Variants in MAGI2 observed in about 807,000 individuals in gnomAD.
The protein encoded by MAGI2 is membrane associated guanylate kinase, WW and PDZ domain containing 2.
A neutral mutation model predicts 133.3 loss-of-function variants in MAGI2; 35 were observed. The ratio of observed to expected loss-of-function variants is 0.26; its 90% confidence interval spans 0.20 to 0.35. The LOEUF (loss-of-function observed/expected upper bound fraction) is 0.35, where lower values mean the gene tolerates loss of function less well. Among genes scored for constraint, MAGI2 ranks in the 10% least tolerant of loss-of-function variants. MAGI2 has a pLI of 1.00. For synonymous variants in MAGI2, 729 were observed against 710.6 expected (o/e 1.03, Z -0.41); for missense variants, 1,636 against 1,863.4 (o/e 0.88, Z 2.25).
intron 6 of MAGI2, among the ~76,000 whole-genome samples, chr7:78,386,813 G>A (rs1022563314): frequency 2.0e-5 from 3 of 152,110 alleles, no homozygotes; most frequent in East Asian, 1.9e-4. Flanking sequence ...GTAGCCAAAC[G>A]GAGAGCTTTA....
intron 17 of MAGI2, 64 bp from the exon 18 acceptor site, chr7:78,133,124 C>A (rs916024435): frequency 7.3e-7 from 1 of 1,374,962 alleles, no homozygotes; most frequent in Non-Finnish European, 9.7e-7. Flanking sequence ...AAAGAAGTGA[C>A]TAGAGGCAGT....
chr7:79,101,180 C>A (rs969194059), intron 1 of MAGI2, among the ~76,000 whole-genome samples: 4 of 152,070 alleles, frequency 2.6e-5, no homozygotes, highest in African/African-American at 9.6e-5. Flanking sequence ...AATGAAATAA[C>A]TACCACCTAG....
intron 2 of MAGI2, among the ~76,000 whole-genome samples, chr7:78,773,017 T>C (rs1202392705): frequency 1.3e-5 from 2 of 152,230 alleles, no homozygotes; most frequent in African/African-American, 4.8e-5. Flanking sequence ...CTGGCTTTTG[T>C]TCTTTTGGCC....
chr7:79,301,711 AT>A (rs1202190697), intron 1 of MAGI2, among the ~76,000 whole-genome samples: 5 of 152,226 alleles, frequency 3.3e-5, no homozygotes, highest in Non-Finnish European at 7.3e-5. Flanking sequence ...AGGACATAAG[AT>A]TTTGAAAGGG....
intron 1 of MAGI2, chr7:79,125,809 G>T (rs1820359463): frequency 2.2e-5 from 11 of 509,652 alleles, no homozygotes; most frequent in South Asian, 1.6e-4. Flanking sequence ...GGCAGTGGCA[G>T]AAGGTTTTAA....
At chr7:78,540,811 G>T (rs1447517818) in intron 3 of MAGI2, among the ~76,000 whole-genome samples, 5 of 152,006 alleles carry the variant, frequency 3.3e-5, no homozygotes, top group Non-Finnish European at 7.4e-5. Flanking sequence ...TTTATATTTG[G>T]CTTTCTAAAT....
intron 1 of MAGI2, among the ~76,000 whole-genome samples, chr7:79,293,952 G>A (rs1455300548): frequency 6.6e-6 from 1 of 152,184 alleles, no homozygotes; most frequent in Non-Finnish European, 1.5e-5. Context: ...GGAGGCCAAG[G>A]AGGGTGAATC....
chr7:78,339,072 C>A (rs1026903790), intron 9 of MAGI2, among the ~76,000 whole-genome samples: 2 of 152,214 alleles, frequency 1.3e-5, no homozygotes, highest in Admixed American at 6.5e-5. Flanking sequence ...GTGGTTATTA[C>A]GTACCTATTA....
intron 1 of MAGI2, among the ~76,000 whole-genome samples, chr7:79,119,868 A>G (rs555811175): frequency 6.6e-6 from 1 of 152,250 alleles, no homozygotes; most frequent in East Asian, 1.9e-4. Context: ...AAAAAATAAA[A>G]TCTGCAGCTG....
chr7:78,709,750 G>C (rs1818991355), intron 2 of MAGI2, among the ~76,000 whole-genome samples: 1 of 152,154 alleles, frequency 6.6e-6, no homozygotes, highest in Non-Finnish European at 1.5e-5. Context: ...TTCAGCTGCT[G>C]TCCTCAGCTA....
intron 1 of MAGI2, among the ~76,000 whole-genome samples, chr7:79,182,553 T>G (rs1826713831): frequency 6.6e-6 from 1 of 151,874 alleles, no homozygotes; most frequent in South Asian, 2.1e-4. Flanking sequence ...TCAGTGAGCA[T>G]GACAGAAAAT....
chr7:78,997,410 C>A (rs955183077), intron 2 of MAGI2, among the ~76,000 whole-genome samples: 2 of 151,978 alleles, frequency 1.3e-5, no homozygotes, highest in Non-Finnish European at 2.9e-5. Context: ...TCAAGACCAG[C>A]CTGACCAACA....
intron 2 of MAGI2, among the ~76,000 whole-genome samples, chr7:78,950,732 T>C (rs1211220058): frequency 6.6e-6 from 1 of 152,144 alleles, no homozygotes; most frequent in African/African-American, 2.4e-5. Flanking sequence ...AGTGATTTGC[T>C]TATGTAAATT....
intron 1 of MAGI2, among the ~76,000 whole-genome samples, chr7:79,346,221 T>A (rs1288232514): frequency 3.3e-5 from 5 of 152,036 alleles, no homozygotes; most frequent in African/African-American, 7.2e-5. Flanking sequence ...TTCAGCTCAC[T>A]TCCTACTTAA....
intron 3 of MAGI2, 43 bp from the exon 4 acceptor site, chr7:78,521,688 C>G (rs769037901): frequency 9.2e-6 from 14 of 1,517,116 alleles, no homozygotes; most frequent in Non-Finnish European, 1.2e-5. Flanking sequence ...AATATTTCTT[C>G]TACCATGTAC....
At chr7:78,838,434 AT>A (rs1791844540) in intron 2 of MAGI2, among the ~76,000 whole-genome samples, 1 of 151,864 alleles carries the variant, frequency 6.6e-6, no homozygotes, top group African/African-American at 2.4e-5. Context: ...CTACCAATTC[AT>A]TTATCCTATT....
At chr7:79,319,701 T>C (rs978462827) in intron 1 of MAGI2, among the ~76,000 whole-genome samples, 1 of 152,158 alleles carries the variant, frequency 6.6e-6, no homozygotes, top group Non-Finnish European at 1.5e-5. Context: ...ATTCCTTTTC[T>C]GTTAGGGACA....
chr7:78,724,551 C>T lies in MAGI2; in HGVS notation c.419-97312G>A, dbSNP rs547874102. Among the ~76,000 whole-genome samples, 8 of 152,176 alleles carry T rather than the reference C, an allele frequency of 5.3e-5. No individual in the cohort carries two copies. In the South Asian group the frequency reaches 1.2e-3, roughly 24 times the overall value. ...CTCACAATTTGCATTAAAGTATGGGCGCCCTTATTTAGTTTGTGGAGTTCT... is the reference window on the plus strand; with the variant it reads ...CTCACAATTTGCATTAAAGTATGGGTGCCCTTATTTAGTTTGTGGAGTTCT... On this transcript the variant is annotated intron_variant, in intron 2 of 21. Coordinates refer to ENST00000354212, the MANE Select transcript of MAGI2 (RefSeq NM_012301.4).
chr7:78,250,959 C>A, intron 10 of MAGI2, among the ~76,000 whole-genome samples: 1 of 151,914 alleles, frequency 6.6e-6, no homozygotes, highest in East Asian at 1.9e-4. Context: ...GAAAAATCTT[C>A]CCCCAAACAG....
Sources: gnomAD v4.1 joint callset for allele counts (sites outside exome capture counted in the v4.1 genomes callset) on GRCh38, gnomAD v4.1.1 for gene constraint, MANE v1.5 for transcripts, NCBI Gene and HGNC (gene_info 2026-07-23, HGNC 2026-07-21) for gene names.